The following TOPAZ1 variants were observed in gnomAD, a reference collection of about 807,000 sequenced individuals.
The protein encoded by TOPAZ1 is protein TOPAZ1.
TOPAZ1 carries 66 observed loss-of-function variants against 172.2 expected under a neutral mutation model. The ratio of observed to expected loss-of-function variants is 0.38; its 90% CI spans 0.31 to 0.47. The LOEUF (loss-of-function observed/expected upper bound fraction) is 0.47, where lower values mean the gene tolerates loss of function less well. Among genes scored for constraint, TOPAZ1 ranks in the 20% least tolerant of loss-of-function variants. The probability of loss-of-function intolerance (pLI) is 0.99; values close to 1 mark genes in which losing one functional copy is unlikely to be tolerated. For synonymous variants in TOPAZ1, 681 were observed against 683.9 expected (o/e 1.00, Z 0.07); for missense variants, 1,822 against 1,972.4 (o/e 0.92, Z 1.44).
intron 12 of TOPAZ1, among the ~76,000 whole-genome samples, chr3:44,292,662 G>T (rs1700150729): frequency 6.6e-6 from 1 of 152,058 alleles, no homozygotes. Context: ...TTTTTTTATT[G>T]ATGTGTAATA....
At chr3:44,306,865 A>G (rs954397698) in intron 15 of TOPAZ1, among the ~76,000 whole-genome samples, 1 of 152,236 alleles carries the variant, frequency 6.6e-6, no homozygotes. Context: ...TAGTGTTCCA[A>G]TAATGTAACA....
intron 11 of TOPAZ1, among the ~76,000 whole-genome samples, chr3:44,289,004 T>TC (rs1041734516): frequency 6.6e-6 from 1 of 152,192 alleles, no homozygotes; most frequent in African/African-American, 2.4e-5. Flanking sequence ...TGTACCATAC[T>TC]CCATGTATTT....
intron 4 of TOPAZ1, among the ~76,000 whole-genome samples, 153 bp downstream of exon 4, chr3:44,256,431 A>C (rs1439611227): frequency 6.6e-6 from 1 of 152,206 alleles, no homozygotes; most frequent in African/African-American, 2.4e-5. Context: ...ATCCCTTGAT[A>C]CTTGGTGTAA....
chr3:44,267,821 CTT>C (rs1699849071), intron 6 of TOPAZ1, among the ~76,000 whole-genome samples: 1 of 152,102 alleles, frequency 6.6e-6, no homozygotes, highest in Non-Finnish European at 1.5e-5. Context: ...ACACACCTAA[CTT>C]TTCTATATCT....
At position 44,270,774 on chromosome 3, in the gene TOPAZ1, C is replaced by T; in HGVS notation, c.3336C>T (p.Cys1112=). ...NTLRGCERPL[C]KFAHVPEQGD... ...TACGTGGCTGTGAGCGACCACTGTG[C>T]AAGTTTGCTCATGTGCCTGAACAAG... Residue 1112 remains cysteine (C), a synonymous_variant, in exon 8 of 20, where the codon TGC becomes TGT. Transcript: ENST00000309765. The T allele has an allele frequency of 1.9e-6, 3 of 1,550,118 alleles. No homozygotes were observed. Among genetic ancestry groups the T allele is most frequent in the Non-Finnish European group, 1.7e-6 (2 of 1,146,088 alleles).
At chr3:44,257,348 T>A (rs933350343) in intron 4 of TOPAZ1, among the ~76,000 whole-genome samples, 68 of 114,446 alleles carry the variant, frequency 5.9e-4, no homozygotes, top group African/African-American at 2.3e-3. Context: ...AAAGAAAACA[T>A]AGGGGTGTGT....
In TOPAZ1 at chr3:44,306,491, A is replaced by G. The variant is rs1299408833; in HGVS notation, c.4140+65A>G. On this transcript the variant is annotated intron_variant, in intron 15 of 19. Coordinates refer to ENST00000309765, the MANE Select transcript of TOPAZ1 (RefSeq NM_001145030.2). ...TACTAGTTTTAAAATTATGAACAGA[A>G]TATAAGTTAACCCTGCAAATTAGGA... The G allele has an allele frequency of 5.3e-6, 5 of 939,836 alleles. No individual in the cohort carries two copies. The East Asian group carries it at 1.3e-4, about 25-fold the overall frequency. 58.2% of individuals were successfully genotyped at this position (939,836 alleles called of 1,614,324 possible).
chr3:44,259,558 T>C (rs146181386), intron 4 of TOPAZ1, among the ~76,000 whole-genome samples: 179 of 152,352 alleles, frequency 1.2e-3, no homozygotes, highest in African/African-American at 4.1e-3. Context: ...TGTTTCCATT[T>C]TTTTGCTATT....
rs929826988 is a variant in TOPAZ1 at position 44,303,938 on chromosome 3, T to C, written c.3798-77T>C. 4 of 822,732 alleles carry C rather than the reference T, an allele frequency of 4.9e-6. No individual in the cohort carries two copies. In the Middle Eastern group the frequency reaches 8.1e-4, roughly 167 times the overall value. 51.0% of individuals were successfully genotyped at this position (822,732 alleles called of 1,614,324 possible). ...TTTTCTTCTGGTTTCTTATAAACCA[T>C]AGGACAGATTAATTAGAAGCAGCAG... On this transcript the variant is annotated intron_variant, in intron 12 of 19. Transcript: ENST00000309765.
intron 2 of TOPAZ1, among the ~76,000 whole-genome samples, chr3:44,252,913 A>G (rs546682987): frequency 7.2e-5 from 11 of 152,330 alleles, no homozygotes; most frequent in African/African-American, 2.6e-4. Context: ...GGAGGCAAAT[A>G]AGCATGTACC....
intron 2 of TOPAZ1, among the ~76,000 whole-genome samples, chr3:44,252,360 A>G (rs1461035771): frequency 6.6e-6 from 1 of 152,170 alleles, no homozygotes; most frequent in Non-Finnish European, 1.5e-5. Context: ...AATCTTCCTA[A>G]ACTCTCTTAA....
At chr3:44,296,421 TA>T (rs3076413) in intron 12 of TOPAZ1, among the ~76,000 whole-genome samples, 5 of 148,226 alleles carry the variant, frequency 3.4e-5, no homozygotes, top group Non-Finnish European at 3.0e-5. Flanking sequence ...CTAGCAAGAC[TA>T]AAAAAAAAAG....
intron 6 of TOPAZ1, among the ~76,000 whole-genome samples, chr3:44,267,551 T>C (rs1372241615): frequency 6.6e-6 from 1 of 152,082 alleles, no homozygotes; most frequent in African/African-American, 2.4e-5. Flanking sequence ...CACCTCAGCC[T>C]CCCAAAGTGC....
chr3:44,335,115 A>G (rs1051012691), downstream of TOPAZ1, among the ~76,000 whole-genome samples: 8 of 152,136 alleles, frequency 5.3e-5, no homozygotes, highest in Admixed American at 1.3e-4. Context: ...GGCAGGAGCT[A>G]TTGTACCCAG....
chr3:44,332,559 A>G (rs979164190), downstream of TOPAZ1, among the ~76,000 whole-genome samples: 1 of 152,168 alleles, frequency 6.6e-6, no homozygotes, highest in Admixed American at 6.6e-5. Context: ...TTGAAAATCT[A>G]TGTGCATTAC....
chr3:44,308,396 C>A (rs939054971), intron 15 of TOPAZ1, among the ~76,000 whole-genome samples: 8 of 151,768 alleles, frequency 5.3e-5, no homozygotes, highest in Non-Finnish European at 7.4e-5. Context: ...TCTATCCTTG[C>A]GATAGTTTGC....
intron 16 of TOPAZ1, among the ~76,000 whole-genome samples, chr3:44,317,395 T>C (rs1194814596): frequency 4.6e-5 from 7 of 152,298 alleles, no homozygotes; most frequent in African/African-American, 1.7e-4. Flanking sequence ...CACTTCAGCC[T>C]GGGCAAGAGA....
chr3:44,310,655 A>G (rs963364505), intron 16 of TOPAZ1, among the ~76,000 whole-genome samples: 1 of 152,234 alleles, frequency 6.6e-6, no homozygotes, highest in Non-Finnish European at 1.5e-5. Context: ...ATATTAACCA[A>G]CTTGCCCAAA....
At chr3:44,300,153 C>G (rs1700254259) in intron 12 of TOPAZ1, among the ~76,000 whole-genome samples, 1 of 150,058 alleles carries the variant, frequency 6.7e-6, no homozygotes, top group Admixed American at 6.6e-5. Flanking sequence ...AAAATGAGAG[C>G]TGGGTGCCAT....
Sources: gnomAD v4.1 joint callset for allele counts (sites outside exome capture counted in the v4.1 genomes callset) on GRCh38, gnomAD v4.1.1 for gene constraint, MANE v1.5 for transcripts, NCBI Gene and HGNC (gene_info 2026-07-23, HGNC 2026-07-21) for gene names.